Variants in BRMS1L observed in about 807,000 individuals in gnomAD.
BRMS1L encodes the protein BRMS1 like transcriptional repressor, also known as breast cancer metastasis-suppressor 1-like protein.
BRMS1L carries 23 observed loss-of-function variants against 50.3 expected under a neutral mutation model. The ratio of observed to expected loss-of-function variants is 0.46; its 90% CI spans 0.33 to 0.65. The LOEUF is 0.65. Ranked by LOEUF, BRMS1L falls within the 30% of genes least tolerant of loss-of-function variation. The probability of loss-of-function intolerance (pLI) is 0.02; values close to 1 mark genes in which losing one functional copy is unlikely to be tolerated. For missense variants in BRMS1L, 286 were observed against 386.1 expected (o/e 0.74, Z 2.17); for synonymous variants, 114 against 126.9 (o/e 0.90, Z 0.69).
chr14:35,862,447 ATTTC>A (rs573173137), intron 4 of BRMS1L, 139 bp from the exon 5 acceptor site: 1 of 371,208 alleles, frequency 2.7e-6, no homozygotes, highest in South Asian at 6.7e-5. Flanking sequence ...TGTATTTGAC[ATTTC>A]TTCTTTAGAA....
At chr14:35,865,891 T>C in intron 8 of BRMS1L, 130 bp downstream of exon 8, 2 of 810,866 alleles carry the variant, frequency 2.5e-6, no homozygotes, top group Non-Finnish European at 2.0e-6. Context: ...CCTGAAATTA[T>C]GAGGAATTCT....
intron 4 of BRMS1L, among the ~76,000 whole-genome samples, chr14:35,861,179 C>A (rs1412702743): frequency 6.6e-6 from 1 of 152,046 alleles, no homozygotes; most frequent in African/African-American, 2.4e-5. Context: ...TTTAGAGATG[C>A]CTTCAATGCT....
chr14:35,868,057 T>C (rs1195565747), intron 9 of BRMS1L, 25 bp downstream of exon 9: 7 of 1,575,240 alleles, frequency 4.4e-6, no homozygotes, highest in Non-Finnish European at 6.0e-6. Context: ...GTTATTTCAG[T>C]GTTGCTCAGT....
chr14:35,829,268 A>G (rs1408542496), intron 1 of BRMS1L, among the ~76,000 whole-genome samples: 2 of 152,190 alleles, frequency 1.3e-5, no homozygotes, highest in Non-Finnish European at 2.9e-5. Context: ...TCTTAGATCT[A>G]TAAAGTATTT....
chr14:35,853,020 A>G (rs1228731779), intron 4 of BRMS1L, among the ~76,000 whole-genome samples: 1 of 150,606 alleles, frequency 6.6e-6, no homozygotes, highest in Non-Finnish European at 1.5e-5. Flanking sequence ...CTATCTATAT[A>G]TAGAGAGAGA....
At position 35,863,896 on chromosome 14, in the gene BRMS1L, A is replaced by G; in HGVS notation, c.565A>G (p.Arg189Gly). 1 of 1,614,072 alleles carries G rather than the reference A, an allele frequency of 6.2e-7. No individual in the cohort carries two copies. Among genetic ancestry groups the G allele is most frequent in the South Asian group, 1.1e-5 (1 of 91,074 alleles). The change falls in exon 6 of 10, where the codon AGA becomes GGA. Residue 189 changes from arginine to glycine, a missense_variant. Arg to Gly is a moderately radical substitution (Grantham distance 125). Around this residue, in one of 5 missense-constraint regions of BRMS1L, gnomAD observed 160 missense variants for 240.6 expected, o/e 0.66. Coordinates refer to ENST00000216807, the MANE Select transcript of BRMS1L (RefSeq NM_032352.4). ...SELWNDELQSRKKRKDPFSPD... is the reference protein window; with the variant it reads ...SELWNDELQSGKKRKDPFSPD... The stretch of plus-strand genomic sequence containing the variant: ...GCTGTGGAATGATGAGCTTCAGTCA[A>G]GAAAAAAGAGGAAGGATCCTTTCAG...
chr14:35,865,821 G>T, intron 8 of BRMS1L, 60 bp downstream of exon 8: 5 of 1,412,066 alleles, frequency 3.5e-6, no homozygotes, highest in Non-Finnish European at 4.9e-6. Context: ...AATCAGGGTT[G>T]TTATCTACGT....
chr14:35,839,673 G>C (rs1039460588), intron 4 of BRMS1L, among the ~76,000 whole-genome samples: 3 of 152,116 alleles, frequency 2.0e-5, no homozygotes, highest in African/African-American at 7.2e-5. Context: ...GTCTCTGTTT[G>C]TCTATTATTG....
chr14:35,862,727 G>C lies in BRMS1L; in HGVS notation c.538+41G>C, dbSNP rs375559396. The C allele has an allele frequency of 5.5e-6, 8 of 1,445,276 alleles. No homozygotes were observed. In the African/African-American group the frequency reaches 8.4e-5, roughly 15 times the overall value. The allele number at this position is 1,445,276 out of a possible 1,614,324, so 89.5% of individuals were successfully genotyped here. On this transcript the variant is annotated intron_variant, in intron 5 of 9. Coordinates refer to ENST00000216807, the MANE Select transcript of BRMS1L (RefSeq NM_032352.4). ...TGATTGTGATGTTTGAGTGGCACCAGACCTTTGGTTTACTGTAGTGTCATA... is the reference window on the plus strand; with the variant it reads ...TGATTGTGATGTTTGAGTGGCACCACACCTTTGGTTTACTGTAGTGTCATA...
chr14:35,856,394 G>C (rs78711805), intron 4 of BRMS1L, among the ~76,000 whole-genome samples: 1 of 152,140 alleles, frequency 6.6e-6, no homozygotes, highest in East Asian at 1.9e-4. Context: ...TGGTAGCAAG[G>C]TCTCAGAATC....
intron 5 of BRMS1L, among the ~76,000 whole-genome samples, 174 bp from the exon 6 acceptor site, chr14:35,863,696 C>G (rs2078382245): frequency 6.6e-6 from 1 of 152,182 alleles, no homozygotes; most frequent in Non-Finnish European, 1.5e-5. Flanking sequence ...CAGAGCAAAA[C>G]TTAAACACGT....
intron 4 of BRMS1L, among the ~76,000 whole-genome samples, chr14:35,852,732 C>T (rs1301144747): frequency 6.6e-6 from 1 of 151,866 alleles, no homozygotes; most frequent in Non-Finnish European, 1.5e-5. Context: ...GAGATCAAGA[C>T]CATCTTGGCT....
intron 4 of BRMS1L, among the ~76,000 whole-genome samples, chr14:35,839,415 A>G (rs531022119): frequency 1.6e-4 from 24 of 152,246 alleles, no homozygotes; most frequent in South Asian, 1.5e-3. Context: ...AAGAAAGTCA[A>G]TGGTAGCTTG....
At chr14:35,849,639 G>A (rs1279180041) in intron 4 of BRMS1L, among the ~76,000 whole-genome samples, 2 of 151,952 alleles carry the variant, frequency 1.3e-5, no homozygotes, top group African/African-American at 4.8e-5. Flanking sequence ...TAACGGGTGT[G>A]GGATGATAAA....
intron 4 of BRMS1L, among the ~76,000 whole-genome samples, chr14:35,856,604 AT>A (rs1233149683): frequency 2.1e-5 from 3 of 146,234 alleles, no homozygotes; most frequent in Admixed American, 6.8e-5. Flanking sequence ...AAGTATGTAC[AT>A]TTTTTTGGGG....
intron 4 of BRMS1L, among the ~76,000 whole-genome samples, chr14:35,849,823 CTT>C (rs567622470): frequency 1.4e-5 from 2 of 145,590 alleles, no homozygotes. Context: ...TTCTGTCTTT[CTT>C]TTTTTTTTTG....
intron 1 of BRMS1L, among the ~76,000 whole-genome samples, chr14:35,828,514 C>T (rs1366889547): frequency 1.4e-5 from 2 of 146,238 alleles, no homozygotes; most frequent in Admixed American, 6.9e-5. Flanking sequence ...GCTCTTGGCA[C>T]CCAGGCTGGA....
chr14:35,840,667 A>G (rs908650186), intron 4 of BRMS1L, among the ~76,000 whole-genome samples: 1 of 152,150 alleles, frequency 6.6e-6, no homozygotes, highest in Non-Finnish European at 1.5e-5. Context: ...AGAGATGTTT[A>G]TAGTATTCTC....
At chr14:35,856,134 G>T (rs2078276924) in intron 4 of BRMS1L, among the ~76,000 whole-genome samples, 2 of 152,176 alleles carry the variant, frequency 1.3e-5, no homozygotes, top group Admixed American at 6.6e-5. Flanking sequence ...AGTTTGTTTA[G>T]CAGCAGATAG....
Sources: gnomAD v4.1 joint callset for allele counts (sites outside exome capture counted in the v4.1 genomes callset) on GRCh38, gnomAD v4.1.1 for gene constraint, gnomAD v4.1.1 regional missense constraint, MANE v1.5 for transcripts, NCBI Gene and HGNC (gene_info 2026-07-23, HGNC 2026-07-21) for gene names.